OR2L13: variants seen among roughly 807,000 people sequenced by gnomAD.
The protein encoded by OR2L13 is olfactory receptor 2L13.
Under a neutral mutation model 15.3 loss-of-function variants are expected in OR2L13, and 14 were observed. The ratio of observed to expected loss-of-function variants is 0.91; its 90% CI spans 0.60 to 1.43. The LOEUF is 1.43. Among genes scored for constraint, OR2L13 ranks in the 40% most tolerant of loss-of-function variants. OR2L13 has a pLI of 0.00. For synonymous variants in OR2L13, 152 were observed against 142.9 expected (o/e 1.06, Z -0.45); for missense variants, 367 against 387.9 (o/e 0.95, Z 0.45).
the OR2L13 span, among the ~76,000 whole-genome samples, chr1:247,960,609 C>CT: frequency 2.6e-5 from 4 of 152,114 alleles, no homozygotes; most frequent in African/African-American, 7.2e-5. Context: ...CTCCTGGCTG[C>CT]TTTTTTTTAC....
At chr1:247,991,171 C>T in the OR2L13 span, 26 of 1,604,658 alleles carry the variant, frequency 1.6e-5, no homozygotes, top group East Asian at 6.7e-5. Context: ...GGCCCTGACA[C>T]GAGTGATTCA....
chr1:248,026,605 C>T, the OR2L13 span, among the ~76,000 whole-genome samples: 10 of 152,172 alleles, frequency 6.6e-5, no homozygotes, highest in Admixed American at 4.6e-4. Context: ...AAGTCAGGAC[C>T]CCGAATGGAG....
chr1:247,990,746 T>C, the OR2L13 span: 15 of 1,589,940 alleles, frequency 9.4e-6, no homozygotes, highest in Admixed American at 1.5e-4. Context: ...GCTCACACGG[T>C]ATATGCACTC....
chr1:248,049,513 G>T, the OR2L13 span, among the ~76,000 whole-genome samples: 6 of 152,088 alleles, frequency 3.9e-5, no homozygotes, highest in Non-Finnish European at 5.9e-5. Context: ...TACATTGGGA[G>T]CAAGATAGAA....
chr1:248,049,577 T>C, the OR2L13 span, among the ~76,000 whole-genome samples: 1 of 152,152 alleles, frequency 6.6e-6, no homozygotes, highest in Non-Finnish European at 1.5e-5. Flanking sequence ...AGCTACATAA[T>C]AGTTGCCAGG....
the OR2L13 span, chr1:248,035,524 T>C: frequency 1.3e-5 from 2 of 152,182 alleles, no homozygotes; most frequent in Non-Finnish European, 2.9e-5. Context: ...ACATAATTTT[T>C]ACATCACTTT....
At chr1:247,951,046 C>T in the OR2L13 span, among the ~76,000 whole-genome samples, 1 of 145,304 alleles carries the variant, frequency 6.9e-6, no homozygotes, top group Non-Finnish European at 1.5e-5. Flanking sequence ...TTACATATTA[C>T]TATTATGTAT....
At chr1:247,959,469 C>T in the OR2L13 span, among the ~76,000 whole-genome samples, 1 of 152,016 alleles carries the variant, frequency 6.6e-6, no homozygotes, top group Non-Finnish European at 1.5e-5. Flanking sequence ...CTGTGTATTT[C>T]CTGAATTTGA....
chr1:248,021,531 C>A, the OR2L13 span, among the ~76,000 whole-genome samples: 2 of 152,110 alleles, frequency 1.3e-5, no homozygotes, highest in Non-Finnish European at 1.5e-5. Context: ...AGTCATAGCC[C>A]AATGTTGCAT....
chr1:248,074,682 G>A, the OR2L13 span, among the ~76,000 whole-genome samples: 4 of 152,144 alleles, frequency 2.6e-5, no homozygotes, highest in African/African-American at 9.7e-5. Flanking sequence ...TACTAAAGAG[G>A]TTAAGGAGAG....
the OR2L13 span, among the ~76,000 whole-genome samples, chr1:248,050,187 C>A: frequency 6.6e-6 from 1 of 151,606 alleles, no homozygotes; most frequent in African/African-American, 2.4e-5. Flanking sequence ...AAATAGTGAC[C>A]AGGACTTTTT....
At chr1:248,046,751 C>G in the OR2L13 span, 8 of 152,262 alleles carry the variant, frequency 5.3e-5, no homozygotes, top group South Asian at 1.7e-3. Flanking sequence ...TCTCTGAAAT[C>G]TCACATGCAG....
chr1:247,995,265 C>G, the OR2L13 span, among the ~76,000 whole-genome samples: 1 of 152,228 alleles, frequency 6.6e-6, no homozygotes, highest in Non-Finnish European at 1.5e-5. Context: ...CCCTTCCACT[C>G]TCATAGATCC....
chr1:247,948,944 CATT>C, the OR2L13 span: 1 of 1,613,778 alleles, frequency 6.2e-7, no homozygotes, highest in South Asian at 1.1e-5. Flanking sequence ...TCTTCATTCT[CATT>C]GTTTTCATTT....
chr1:248,031,405 G>C, the OR2L13 span, among the ~76,000 whole-genome samples: 2 of 152,202 alleles, frequency 1.3e-5, no homozygotes, highest in African/African-American at 4.8e-5. Context: ...CTGGTAGAAA[G>C]AAAGACTTTT....
chr1:248,048,574 A>G, the OR2L13 span, among the ~76,000 whole-genome samples: 2 of 152,136 alleles, frequency 1.3e-5, no homozygotes, highest in Admixed American at 6.6e-5. Context: ...TACTGTAGAC[A>G]TGCAGATTCA....
At chr1:248,084,152 G>T in the OR2L13 span, 2 of 1,606,888 alleles carry the variant, frequency 1.2e-6, no homozygotes, top group African/African-American at 2.7e-5. Context: ...CTGCACCCAG[G>T]AGCCAGGACG....
the OR2L13 span, among the ~76,000 whole-genome samples, chr1:248,020,768 T>A: frequency 6.6e-6 from 1 of 152,036 alleles, no homozygotes; most frequent in Admixed American, 6.5e-5. Context: ...ATTATTTTTT[T>A]ATATAACTTT....
the OR2L13 span, among the ~76,000 whole-genome samples, chr1:247,962,094 A>G: frequency 1.3e-5 from 2 of 152,188 alleles, no homozygotes; most frequent in Non-Finnish European, 2.9e-5. Flanking sequence ...GCTTTGGCCC[A>G]GAGGAGAAAG....
Sources: gnomAD v4.1 joint callset for allele counts (sites outside exome capture counted in the v4.1 genomes callset) on GRCh38, gnomAD v4.1.1 for gene constraint, MANE v1.5 for transcripts, NCBI Gene and HGNC (gene_info 2026-07-23, HGNC 2026-07-21) for gene names.